The following PIP4K2A variants were observed in gnomAD, a reference collection of about 807,000 sequenced individuals.
PIP4K2A encodes the protein phosphatidylinositol-5-phosphate 4-kinase type 2 alpha.
A neutral mutation model predicts 42.9 loss-of-function variants in PIP4K2A; 14 were observed. The observed-to-expected ratio is 0.33, with a 90% CI of 0.22 to 0.51. The LOEUF (loss-of-function observed/expected upper bound fraction) is 0.51, where lower values mean the gene tolerates loss of function less well. Ranked by LOEUF, PIP4K2A falls within the 20% of genes least tolerant of loss-of-function variation. The pLI is 0.97. For synonymous variants in PIP4K2A, 192 were observed against 192.2 expected (o/e 1.00, Z 0.01); for missense variants, 434 against 519.8 (o/e 0.83, Z 1.61).
intron 1 of PIP4K2A, among the ~76,000 whole-genome samples, chr10:22,638,871 A>T (rs1838721799): frequency 6.6e-6 from 1 of 152,152 alleles, no homozygotes; most frequent in Non-Finnish European, 1.5e-5. Context: ...CTTAGTAGTG[A>T]TTCTTACTTG....
intron 7 of PIP4K2A, among the ~76,000 whole-genome samples, chr10:22,542,614 C>T (rs906839486): frequency 7.9e-5 from 12 of 152,316 alleles, no homozygotes; most frequent in East Asian, 1.9e-4. Context: ...GTGCTTTCCA[C>T]GAAGCACCAC....
chr10:22,607,959 C>T lies in PIP4K2A; in HGVS notation c.307G>A (p.Glu103Lys). 1.2e-6 allele frequency: 2 copies of T among 1,613,294 alleles called. No individual in the cohort carries two copies. Among genetic ancestry groups the T allele is most frequent in the Non-Finnish European group, 1.7e-6 (2 of 1,179,342 alleles). Residue 103 changes from glutamate to lysine, a missense_variant, in exon 3 of 10, where the codon GAG becomes AAG. Physicochemically the swap from Glu to Lys is moderately conservative, Grantham distance 56. Transcript: ENST00000376573. ...YCPMVFRNLR[E>K]RFGIDDQDFQ... is the part of the protein sequence containing the mutation. ...TCTTGATCATCAATTCCAAACCTCT[C>T]CCGCAGGTTACGGAAGACCATCGGG... is the stretch of plus-strand genomic sequence containing the variant.
intron 1 of PIP4K2A, among the ~76,000 whole-genome samples, chr10:22,679,984 T>C (rs1478263046): frequency 6.6e-6 from 1 of 152,116 alleles, no homozygotes; most frequent in East Asian, 1.9e-4. Flanking sequence ...TAAAAATATA[T>C]ACATTTTAGT....
intron 6 of PIP4K2A, among the ~76,000 whole-genome samples, chr10:22,559,515 C>T (rs1836634688): frequency 1.3e-5 from 2 of 152,222 alleles, no homozygotes; most frequent in Non-Finnish European, 2.9e-5. Context: ...ACAAGAGTCA[C>T]TGCATGTGAT....
At chr10:22,591,498 T>G in intron 4 of PIP4K2A, 131 bp downstream of exon 4, 1 of 685,394 alleles carries the variant, frequency 1.5e-6, no homozygotes, top group Non-Finnish European at 2.4e-6. Flanking sequence ...GAACACAGGG[T>G]TAGAGGAGAT....
At chr10:22,565,275 A>G (rs1467634337) in intron 6 of PIP4K2A, among the ~76,000 whole-genome samples, 1 of 152,168 alleles carries the variant, frequency 6.6e-6, no homozygotes. Flanking sequence ...CTCTGTTCTG[A>G]CGCCGCACTG....
At chr10:22,582,646 G>A (rs1365270300) in intron 4 of PIP4K2A, among the ~76,000 whole-genome samples, 1 of 152,004 alleles carries the variant, frequency 6.6e-6, no homozygotes, top group Admixed American at 6.5e-5. Flanking sequence ...TGTGCCATGG[G>A]CTATGTTTAG....
chr10:22,661,349 C>CTTTTT (rs374324575), intron 1 of PIP4K2A, among the ~76,000 whole-genome samples: 4 of 99,820 alleles, frequency 4.0e-5, no homozygotes, highest in Admixed American at 1.0e-4. Context: ...ATGATGCTGC[C>CTTTTT]TTTTTTTTTT....
intron 4 of PIP4K2A, among the ~76,000 whole-genome samples, chr10:22,574,468 C>A (rs1837066286): frequency 7.3e-6 from 1 of 137,382 alleles, no homozygotes; most frequent in Non-Finnish European, 1.6e-5. Flanking sequence ...TTACAATGAG[C>A]ATTTTATAAA....
chr10:22,664,152 C>CACATATATATATATATAT (rs1839287711), intron 1 of PIP4K2A, among the ~76,000 whole-genome samples: 2 of 20,842 alleles, frequency 9.6e-5, no homozygotes, highest in East Asian at 1.0e-3. Context: ...CATATATATA[C>CACATATATATATATATAT]ACATATATAT....
At chr10:22,561,042 G>A (rs1011698549) in intron 6 of PIP4K2A, among the ~76,000 whole-genome samples, 6 of 152,206 alleles carry the variant, frequency 3.9e-5, no homozygotes, top group Non-Finnish European at 5.9e-5. Context: ...GAATTGCAGC[G>A]CAGCTGTGAA....
intron 4 of PIP4K2A, among the ~76,000 whole-genome samples, chr10:22,586,114 C>T (rs1837390127): frequency 6.6e-6 from 1 of 152,096 alleles, no homozygotes; most frequent in South Asian, 2.1e-4. Flanking sequence ...TTTCTTACAG[C>T]CTAACAGAAA....
chr10:22,635,856 G>T (rs1268502955), intron 1 of PIP4K2A, among the ~76,000 whole-genome samples: 1 of 152,196 alleles, frequency 6.6e-6, no homozygotes, highest in African/African-American at 2.4e-5. Flanking sequence ...TGGAAGAGTG[G>T]TGAAGCCATT....
chr10:22,580,683 T>C (rs1837252844), intron 4 of PIP4K2A, among the ~76,000 whole-genome samples: 1 of 152,226 alleles, frequency 6.6e-6, no homozygotes, highest in Non-Finnish European at 1.5e-5. Flanking sequence ...CCTCCTCTCT[T>C]CCACATGTTT....
chr10:22,654,827 T>C (rs1349441786), intron 1 of PIP4K2A, among the ~76,000 whole-genome samples: 1 of 152,198 alleles, frequency 6.6e-6, no homozygotes. Context: ...TGCGACTGCT[T>C]TGAAACCTAT....
At chr10:22,681,725 C>T (rs1839665854) in intron 1 of PIP4K2A, among the ~76,000 whole-genome samples, 1 of 151,600 alleles carries the variant, frequency 6.6e-6, no homozygotes. Flanking sequence ...AAATAAAACG[C>T]AGGAAAAGAG....
chr10:22,549,756 G>GC (rs1836351705), intron 7 of PIP4K2A, among the ~76,000 whole-genome samples: 1 of 148,356 alleles, frequency 6.7e-6, no homozygotes, highest in Non-Finnish European at 1.5e-5. Flanking sequence ...CGGGAGAATG[G>GC]CGTGAACCTG....
In PIP4K2A at chr10:22,541,952, G is replaced by C. The variant is rs756295000; in HGVS notation, c.888C>G (p.Asn296Lys). The part of the protein sequence containing the change: ...AEQEEVECEE[N>K]DGEEEGESDG... ...CGCTCTCGCCCTCCTCCTCCCCATC[G>C]TTCTCCTCACACTCCACTTCCTCCT... The change falls in exon 8 of 10, where the codon AAC (asparagine) becomes AAG (lysine). Residue 296 changes from asparagine (N) to lysine (K), a missense_variant. Physicochemically the swap from Asn to Lys is moderately conservative, Grantham distance 94. Around this residue, in one of 2 missense-constraint regions of PIP4K2A, gnomAD observed 395 missense variants for 444.5 expected, o/e 0.89. Coordinates refer to ENST00000376573, the MANE Select transcript of PIP4K2A (RefSeq NM_005028.5). 1.9e-6 allele frequency: 3 copies of C among 1,613,802 alleles called. No homozygotes were observed. The highest frequency in any genetic ancestry group is 2.5e-6 in the Non-Finnish European group (3 of 1,179,898).
chr10:22,679,120 A>G (rs1839615079), intron 1 of PIP4K2A, among the ~76,000 whole-genome samples: 3 of 152,352 alleles, frequency 2.0e-5, no homozygotes, highest in Admixed American at 2.0e-4. Context: ...GCTGCAAACA[A>G]TACTATCAAA....
Sources: gnomAD v4.1 joint callset for allele counts (sites outside exome capture counted in the v4.1 genomes callset) on GRCh38, gnomAD v4.1.1 for gene constraint, gnomAD v4.1.1 regional missense constraint, MANE v1.5 for transcripts, NCBI Gene and HGNC (gene_info 2026-07-23, HGNC 2026-07-21) for gene names.